MAP3K4: variants seen among roughly 807,000 people sequenced by gnomAD.
MAP3K4 encodes MAP three kinase 1.
MAP3K4 carries 67 observed loss-of-function variants against 185.6 expected under a neutral mutation model. That is an observed-to-expected ratio of 0.36 (90% CI 0.30 to 0.44). The LOEUF (loss-of-function observed/expected upper bound fraction) is 0.44, where lower values mean the gene tolerates loss of function less well. Among genes scored for constraint, MAP3K4 ranks in the 20% least tolerant of loss-of-function variants. The probability of loss-of-function intolerance (pLI) is 1.00; values close to 1 mark genes in which losing one functional copy is unlikely to be tolerated. For synonymous variants in MAP3K4, 702 were observed against 710.4 expected (o/e 0.99, Z 0.19); for missense variants, 1,551 against 1,995.1 (o/e 0.78, Z 4.24).
chr6:161,049,126 A>G lies in MAP3K4; in HGVS notation c.854A>G (p.Tyr285Cys), dbSNP rs777050233. ...ATTAACGACCAGGACTTCTTTTTAT[A>G]TACAGCCCGTCAAGCCATCCCAGAT... ...RTINDQDFFL[Y>C]TARQAIPDII... Residue 285 changes from tyrosine to cysteine, a missense_variant, in exon 3 of 27, where the codon TAT becomes TGT. Tyr to Cys is a radical substitution (Grantham distance 194, BLOSUM62 -2). Transcript: ENST00000392142. This position sits in a 1 kb window ranked among gnomAD's most constrained non-coding sequence, Gnocchi z 8.4. The G allele has an allele frequency of 6.2e-7, 1 of 1,614,152 alleles. No homozygotes were observed. The highest frequency in any genetic ancestry group is 1.1e-5 in the South Asian group (1 of 91,078).
At position 161,049,828 on chromosome 6, in the gene MAP3K4, G is replaced by C; in HGVS notation, c.1556G>C (p.Arg519Thr). The C allele has an allele frequency of 6.2e-7, 1 of 1,614,174 alleles. No homozygotes were observed. The highest frequency in any genetic ancestry group is 8.5e-7 in the Non-Finnish European group (1 of 1,180,028). The stretch of plus-strand genomic sequence containing the variant: ...TGGAGCACAGAAGCAGGCTTTAGTA[G>C]ACATTGTCTGACTTCTATTTATAGA... ...PDWSTEAGFS[R>T]HCLTSIYRPF... Residue 519 changes from arginine to threonine, a missense_variant, in exon 3 of 27, where the codon AGA becomes ACA. Around this residue, in one of 16 missense-constraint regions of MAP3K4, gnomAD observed 126 missense variants for 112.8 expected, o/e 1.12. Transcript: ENST00000392142. This position sits in a 1 kb window ranked among gnomAD's most constrained non-coding sequence, Gnocchi z 8.4.
At chr6:161,024,439 G>C (rs1304590474) in intron 1 of MAP3K4, among the ~76,000 whole-genome samples, 1 of 152,094 alleles carries the variant, frequency 6.6e-6, no homozygotes, top group African/African-American at 2.4e-5. Flanking sequence ...ACTTTATTCA[G>C]ATTTCATTTG....
chr6:161,090,481 A>G (rs1785975317), intron 11 of MAP3K4, among the ~76,000 whole-genome samples: 1 of 144,680 alleles, frequency 6.9e-6, no homozygotes, highest in African/African-American at 2.7e-5. Context: ...AGCCTCTTGG[A>G]TGTGGACGTT....
chr6:161,039,834 A>G (rs1283430653), intron 2 of MAP3K4, among the ~76,000 whole-genome samples: 2 of 152,236 alleles, frequency 1.3e-5, no homozygotes, highest in African/African-American at 4.8e-5. Flanking sequence ...TAATAGGTGG[A>G]GGCCATTGTT....
rs1451717460 is a variant in MAP3K4 at position 161,053,013 on chromosome 6, G to T, written c.1707+3034G>T. 6.6e-6 allele frequency among the ~76,000 whole-genome samples: 1 copy of T among 152,136 alleles called. No individual in the cohort carries two copies. The highest frequency in any genetic ancestry group is 2.4e-5 in the African/African-American group (1 of 41,432). On this transcript the variant is annotated intron_variant, in intron 3 of 26. Transcript: ENST00000392142. This position sits in a 1 kb window ranked among gnomAD's most constrained non-coding sequence, Gnocchi z 4.2. ...GGCTGAAAAAGATAGGCGGTAAGTG[G>T]TGTTTTCATTCCCACACTGCTATAA...
At position 161,087,724 on chromosome 6, in the gene MAP3K4, G is replaced by A. The variant is rs1785803052; in HGVS notation, c.2593G>A (p.Val865Ile). Residue 865 changes from valine (V) to isoleucine (I), a missense_variant, in exon 10 of 27, where the codon GTT (valine) becomes ATT (isoleucine). Around this residue, in one of 16 missense-constraint regions of MAP3K4, gnomAD observed 261 missense variants for 306.5 expected, o/e 0.85. Coordinates refer to ENST00000392142, the MANE Select transcript of MAP3K4 (RefSeq NM_005922.4). The surrounding 1 kb of genome is among the most constrained non-coding windows in gnomAD (Gnocchi z 4.9). ...IPGLENLQMF[V>I]PDTLAEEKSI... ...TGGGTTAGAAAACTTGCAAATGTTT[G>A]TTCCAGACACTCTTGCTGAGGAGAA... The A allele has an allele frequency of 6.2e-7, 1 of 1,614,140 alleles. No homozygotes were observed. Among genetic ancestry groups the A allele is most frequent in the East Asian group, 2.2e-5 (1 of 44,888 alleles).
At position 161,109,929 on chromosome 6, in the gene MAP3K4, G is replaced by A. The variant is rs781591582; in HGVS notation, c.4396+15G>A. 2.1e-5 allele frequency: 34 copies of A among 1,612,358 alleles called. 1 individual carries two copies. Among genetic ancestry groups the A allele is most frequent in the East Asian group, 4.5e-5 (2 of 44,838 alleles). On this transcript the variant is annotated intron_variant, in intron 23 of 26. Transcript: ENST00000392142. This position sits in a 1 kb window ranked among gnomAD's most constrained non-coding sequence, Gnocchi z 5.7. Reference sequence around the variant, plus strand: ...TGACATTAAAGGTAATCCCACACCCGCCTGGCTGCTGTGGGCCAGAGCCAC... The same window carrying A: ...TGACATTAAAGGTAATCCCACACCCACCTGGCTGCTGTGGGCCAGAGCCAC...
rs944738549 is a variant in MAP3K4, at chr6:161,022,376, G to A, written c.153-11883G>A. ...GGTCTCCCTGGAGCTGAATTTAGAT[G>A]CAGTATCTTATCCAGAGTAATACCT... On this transcript the variant is annotated intron_variant, in intron 1 of 26. Coordinates refer to ENST00000392142, the MANE Select transcript of MAP3K4 (RefSeq NM_005922.4). This position sits in a 1 kb window ranked among gnomAD's most constrained non-coding sequence, Gnocchi z 4.2. The A allele has an allele frequency of 1.3e-5, 2 of 152,232 alleles. No homozygotes were observed. Among genetic ancestry groups the A allele is most frequent in the South Asian group, 4.1e-4 (2 of 4,836 alleles). 9.4% of individuals were successfully genotyped at this position (152,232 alleles called of 1,614,324 possible). A position where few individuals can be genotyped will look rare whatever the true frequency, so the allele number is the denominator to read the frequency against.
chr6:161,104,283 A>G (rs1583238787), intron 19 of MAP3K4, among the ~76,000 whole-genome samples: 1 of 152,124 alleles, frequency 6.6e-6, no homozygotes, highest in East Asian at 1.9e-4. Context: ...GCAAGATGGC[A>G]CATACCTGTA....
chr6:161,072,781 T>G (rs1472509725), intron 4 of MAP3K4, among the ~76,000 whole-genome samples: 1 of 152,224 alleles, frequency 6.6e-6, no homozygotes, highest in Non-Finnish European at 1.5e-5. Flanking sequence ...ACATTGTGTC[T>G]CAGTCTTTTT....
chr6:161,089,357 G>T lies in MAP3K4; in HGVS notation c.2859G>T (p.Ala953=). ...TTTTACTAGTTGTCATGCAGTCTGC[G>T]CATCTCACAATTCAGAGAAAAGCTT... is the stretch of plus-strand genomic sequence containing the variant. The part of the protein sequence containing the change: ...DNLLLVVMQS[A]HLTIQRKAFQ... Residue 953 remains alanine (A), a synonymous_variant, in exon 11 of 27, where the codon GCG becomes GCT. Transcript: ENST00000392142. 2 of 1,614,032 alleles carry T rather than the reference G, an allele frequency of 1.2e-6. No individual in the cohort carries two copies. The highest frequency in any genetic ancestry group is 1.7e-6 in the Non-Finnish European group (2 of 1,180,026).
rs1299214560 is a variant in MAP3K4 at position 161,084,423 on chromosome 6, C to G, written c.2256-78C>G. 1 of 747,708 alleles carries G rather than the reference C, an allele frequency of 1.3e-6. No individual in the cohort carries two copies. Among genetic ancestry groups the G allele is most frequent in the Non-Finnish European group, 2.4e-6 (1 of 420,916 alleles). The allele number at this position is 747,708 out of a possible 1,614,324, so 46.3% of individuals were successfully genotyped here. On this transcript the variant is annotated intron_variant, in intron 6 of 26. Transcript: ENST00000392142. The surrounding 1 kb of genome is among the most constrained non-coding windows in gnomAD (Gnocchi z 4.6). Reference sequence around the variant, plus strand: ...CCATTAGAGCAGTAGCTGAGCCTTTCAAGTTTCTCAGTCAAGAATTAGGCT... The same window carrying G: ...CCATTAGAGCAGTAGCTGAGCCTTTGAAGTTTCTCAGTCAAGAATTAGGCT...
chr6:161,009,952 G>A (rs675538), intron 1 of MAP3K4, among the ~76,000 whole-genome samples: 139,742 of 152,174 alleles, frequency 0.92, 64,452 homozygotes, highest in Non-Finnish European at 0.94. Flanking sequence ...AGGTGCAGCA[G>A]ACCACCATGG....
chr6:161,011,056 A>G (rs1438322810), intron 1 of MAP3K4, among the ~76,000 whole-genome samples: 2 of 152,212 alleles, frequency 1.3e-5, no homozygotes, highest in Admixed American at 1.3e-4. Context: ...AATGAAGAGA[A>G]CAACAGAAAG....
intron 2 of MAP3K4, among the ~76,000 whole-genome samples, chr6:161,045,408 T>C (rs1783683787): frequency 6.6e-6 from 1 of 152,210 alleles, no homozygotes; most frequent in Non-Finnish European, 1.5e-5. Context: ...GTATTTAACC[T>C]ATAAAAGTTA....
rs1315891735 is a variant in MAP3K4 at position 161,091,099 on chromosome 6, C to G, written c.2974-280C>G. Among the ~76,000 whole-genome samples, 1 of 152,184 alleles carries G rather than the reference C, an allele frequency of 6.6e-6. No individual in the cohort carries two copies. Among genetic ancestry groups the G allele is most frequent in the East Asian group, 1.9e-4 (1 of 5,194 alleles). Reference sequence around the variant, plus strand: ...GCAACCGTCCAGGAGGAGAAAACAACAGGTGGTTGATGTATAAAAATATTG... The same window carrying G: ...GCAACCGTCCAGGAGGAGAAAACAAGAGGTGGTTGATGTATAAAAATATTG... On this transcript the variant is annotated intron_variant, in intron 11 of 26. Coordinates refer to ENST00000392142, the MANE Select transcript of MAP3K4 (RefSeq NM_005922.4). This position sits in a 1 kb window ranked among gnomAD's most constrained non-coding sequence, Gnocchi z 5.5.
In MAP3K4 at chr6:161,011,599, C is replaced by T. The variant is rs150759511; in HGVS notation, c.152+19516C>T. ...AAATACTTCTGGAAATGCCAGAAAC[C>T]GTCATGAAAGTTCAACGCCAGAACT... On this transcript the variant is annotated intron_variant, in intron 1 of 26. Coordinates refer to ENST00000392142, the MANE Select transcript of MAP3K4 (RefSeq NM_005922.4). 3.3e-5 allele frequency among the ~76,000 whole-genome samples: 5 copies of T among 152,198 alleles called. No homozygotes were observed. The East Asian group carries it at 7.7e-4, about 24-fold the overall frequency.
rs1271034738 is a variant in MAP3K4, at chr6:161,071,236, T to A, written c.1950+386T>A. Among the ~76,000 whole-genome samples the A allele has an allele frequency of 6.6e-6, 1 of 152,224 alleles. No individual in the cohort carries two copies. The highest frequency in any genetic ancestry group is 1.9e-4 in the East Asian group (1 of 5,196). On this transcript the variant is annotated intron_variant, in intron 4 of 26. Coordinates refer to ENST00000392142, the MANE Select transcript of MAP3K4 (RefSeq NM_005922.4). This position sits in a 1 kb window ranked among gnomAD's most constrained non-coding sequence, Gnocchi z 4.6. ...TAGGCATGGGGAGGGGTTTGGACTT[T>A]CTGCTTGCTTAAGCAGTGGTATGGT...
At chr6:161,029,709 G>A (rs1419228919) in intron 1 of MAP3K4, among the ~76,000 whole-genome samples, 1 of 152,146 alleles carries the variant, frequency 6.6e-6, no homozygotes, top group Non-Finnish European at 1.5e-5. Context: ...GAACTGGTCG[G>A]CTGACCACAT....
Sources: gnomAD v4.1 joint callset for allele counts (sites outside exome capture counted in the v4.1 genomes callset) on GRCh38, gnomAD v4.1.1 for gene constraint, gnomAD v4.1.1 regional missense constraint, Gnocchi (gnomAD v3.1) non-coding constraint, MANE v1.5 for transcripts, NCBI Gene and HGNC (gene_info 2026-07-23, HGNC 2026-07-21) for gene names.